The following NRP1 variants were observed in gnomAD, a reference collection of about 807,000 sequenced individuals.
NRP1 encodes neuropilin-1.
NRP1 carries 35 observed loss-of-function variants against 106.7 expected under a neutral mutation model. The ratio of observed to expected loss-of-function variants is 0.33; its 90% CI spans 0.25 to 0.43. NRP1 has a LOEUF of 0.43. Among genes scored for constraint, NRP1 ranks in the 20% least tolerant of loss-of-function variants. NRP1 has a pLI of 1.00. For missense variants in NRP1, 1,024 were observed against 1,170.4 expected (o/e 0.87, Z 1.83); for synonymous variants, 437 against 417.9 (o/e 1.05, Z -0.56).
intron 2 of NRP1, among the ~76,000 whole-genome samples, chr10:33,283,857 A>G (rs1844319216): frequency 6.6e-6 from 1 of 152,220 alleles, no homozygotes; most frequent in Admixed American, 6.5e-5. Flanking sequence ...TAACCATATG[A>G]CCACACAAAG....
chr10:33,294,286 C>T (rs1845217816), intron 2 of NRP1, among the ~76,000 whole-genome samples: 2 of 152,178 alleles, frequency 1.3e-5, no homozygotes, highest in South Asian at 4.1e-4. Flanking sequence ...CACTGTTCTT[C>T]ATGGAGTTGA....
intron 6 of NRP1, among the ~76,000 whole-genome samples, chr10:33,238,592 C>A (rs1423862083): frequency 6.6e-6 from 1 of 152,112 alleles, no homozygotes; most frequent in Non-Finnish European, 1.5e-5. Context: ...TAAAATGAAT[C>A]AATGCATTCT....
intron 6 of NRP1, among the ~76,000 whole-genome samples, chr10:33,233,234 G>A (rs939965291): frequency 6.6e-6 from 1 of 152,128 alleles, no homozygotes; most frequent in Non-Finnish European, 1.5e-5. Flanking sequence ...GGCGATGTTT[G>A]CAGTTCCTGG....
chr10:33,201,479 G>T (rs2132692574), intron 11 of NRP1: 2 of 152,298 alleles, frequency 1.3e-5, no homozygotes, highest in East Asian at 3.9e-4. Flanking sequence ...AAAGCCTGAG[G>T]TTTGTGGCAG....
At chr10:33,185,429 C>T (rs1835937151) in intron 15 of NRP1, among the ~76,000 whole-genome samples, 199 bp downstream of exon 15, 1 of 152,132 alleles carries the variant, frequency 6.6e-6, no homozygotes, top group African/African-American at 2.4e-5. Context: ...TATGAAGGAC[C>T]TAGGGTAGGT....
intron 2 of NRP1, among the ~76,000 whole-genome samples, chr10:33,294,118 C>T (rs1045099568): frequency 2.0e-5 from 3 of 152,132 alleles, no homozygotes; most frequent in South Asian, 2.1e-4. Context: ...ACATGCTGAT[C>T]GCTTAGTAAT....
intron 9 of NRP1, among the ~76,000 whole-genome samples, chr10:33,210,004 C>T (rs766324702): frequency 1.3e-4 from 20 of 152,064 alleles, no homozygotes; most frequent in African/African-American, 1.9e-4. Context: ...TGTGCTTGTT[C>T]GGTGGTGGAA....
In NRP1 at chr10:33,325,121, C is replaced by A. The variant is rs559507074; in HGVS notation, c.248+5587G>T. 2.0e-5 allele frequency among the ~76,000 whole-genome samples: 3 copies of A among 152,208 alleles called. No homozygotes were observed. The South Asian group carries it at 6.2e-4, about 32-fold the overall frequency. On this transcript the variant is annotated intron_variant, in intron 2 of 16. Transcript: ENST00000374867. ...TGGTTTTGTGGATGTATCCACCTTG[C>A]AAAATTTTATCAAATCTTATACTTG...
Position 33,179,861 on chromosome 10 carries a change from C to T in NRP1, c.*215G>A, listed in dbSNP as rs7897898. 4.7e-3 allele frequency: 2,648 copies of T among 567,152 alleles called. 53 individuals are homozygous for T. The highest frequency in any genetic ancestry group is 0.045 in the African/African-American group (2,390 of 53,504). 35.1% of individuals were successfully genotyped at this position (567,152 alleles called of 1,614,324 possible). A position where few individuals can be genotyped will look rare whatever the true frequency, so the allele number is the denominator to read the frequency against. On this transcript the variant is annotated 3_prime_UTR_variant, in exon 17 of 17. Coordinates refer to ENST00000374867, the MANE Select transcript of NRP1 (RefSeq NM_003873.7). ...CCAGCATCTGATTATTCAAATGAAA[C>T]CAACAGGAAAAAAGCTGACTGCACA...
At chr10:33,253,125 T>C (rs1841976914) in intron 6 of NRP1, among the ~76,000 whole-genome samples, 1 of 152,140 alleles carries the variant, frequency 6.6e-6, no homozygotes, top group African/African-American at 2.4e-5. Context: ...AATAATCTTT[T>C]GTATAATTTG....
chr10:33,299,244 C>T (rs1845630491), intron 2 of NRP1, among the ~76,000 whole-genome samples: 1 of 152,180 alleles, frequency 6.6e-6, no homozygotes, highest in Admixed American at 6.5e-5. Context: ...CCCCCTGACC[C>T]TGCCCCAATC....
intron 13 of NRP1, among the ~76,000 whole-genome samples, chr10:33,191,429 C>T (rs1190785250): frequency 6.6e-6 from 1 of 152,174 alleles, no homozygotes; most frequent in Non-Finnish European, 1.5e-5. Flanking sequence ...CACCGTCTTT[C>T]CCCACCTCCC....
chr10:33,232,517 C>T (rs1320891866), intron 6 of NRP1, among the ~76,000 whole-genome samples: 1 of 151,962 alleles, frequency 6.6e-6, no homozygotes, highest in East Asian at 1.9e-4. Flanking sequence ...AATTGTTGAA[C>T]ATTTCCCTCT....
At chr10:33,187,041 T>TG (rs1491549215) in intron 13 of NRP1, among the ~76,000 whole-genome samples, 123 of 137,898 alleles carry the variant, frequency 8.9e-4, no homozygotes, top group Admixed American at 4.4e-3. Flanking sequence ...AAAAGATTAA[T>TG]TTTTTTTTTT....
At chr10:33,309,521 A>AG (rs1396239490) in intron 2 of NRP1, among the ~76,000 whole-genome samples, 6 of 152,218 alleles carry the variant, frequency 3.9e-5, no homozygotes, top group African/African-American at 1.4e-4. Flanking sequence ...TGCTGCCTCA[A>AG]GGGTCCTGGT....
chr10:33,249,490 T>C (rs763709177), intron 6 of NRP1: 9 of 531,062 alleles, frequency 1.7e-5, no homozygotes, highest in South Asian at 1.3e-4. Context: ...GTTCTAATGA[T>C]GTGCTTGAAG....
intron 4 of NRP1, among the ~76,000 whole-genome samples, chr10:33,263,420 C>A (rs146034417): frequency 6.6e-6 from 1 of 152,238 alleles, no homozygotes; most frequent in African/African-American, 2.4e-5. Flanking sequence ...TCTTTCATGG[C>A]CTCAGCTTCT....
chr10:33,221,816 G>A lies in NRP1; in HGVS notation c.1185C>T (p.Phe395=). The A allele has an allele frequency of 6.2e-7, 1 of 1,614,062 alleles. No homozygotes were observed. Among genetic ancestry groups the A allele is most frequent in the Non-Finnish European group, 8.5e-7 (1 of 1,179,938 alleles). ...TNPTDVVVAV[F]PKPLITRFVR... ...CAAATCGAGTTATCAGTGGTTTGGG[G>A]AATACTGCAACCACAACATCTGTGG... Residue 395 remains phenylalanine, a synonymous_variant, in exon 8 of 17, where the codon TTC becomes TTT. Coordinates refer to ENST00000374867, the MANE Select transcript of NRP1 (RefSeq NM_003873.7).
intron 13 of NRP1, among the ~76,000 whole-genome samples, chr10:33,190,593 T>A (rs1302495283): frequency 6.6e-6 from 1 of 152,170 alleles, no homozygotes; most frequent in Non-Finnish European, 1.5e-5. Context: ...TGGCCCAGCC[T>A]TCAGTCCACT....
Sources: gnomAD v4.1 joint callset for allele counts (sites outside exome capture counted in the v4.1 genomes callset) on GRCh38, gnomAD v4.1.1 for gene constraint, MANE v1.5 for transcripts, NCBI Gene and HGNC (gene_info 2026-07-23, HGNC 2026-07-21) for gene names.